MRPS6: variants seen among roughly 807,000 people sequenced by gnomAD.
The protein encoded by MRPS6 is mitochondrial ribosomal protein S6.
Under a neutral mutation model 13.1 loss-of-function variants are expected in MRPS6, and 6 were observed. The observed-to-expected ratio is 0.46, with a 90% CI of 0.25 to 0.91. The LOEUF is 0.91. Ranked by LOEUF, MRPS6 falls within the 40% of genes least tolerant of loss-of-function variation. The pLI is 0.18. For missense variants in MRPS6, 164 were observed against 155.6 expected (o/e 1.05, Z -0.29); for synonymous variants, 61 against 56.5 (o/e 1.08, Z -0.36).
At chr21:34,137,571 C>G (rs1980753801) in intron 2 of MRPS6, among the ~76,000 whole-genome samples, 1 of 152,154 alleles carries the variant, frequency 6.6e-6, no homozygotes, top group African/African-American at 2.4e-5. Context: ...GCTTATCAGT[C>G]TAGGTACCTA....
chr21:34,137,074 G>A (rs1292570667), intron 2 of MRPS6, among the ~76,000 whole-genome samples: 1 of 152,078 alleles, frequency 6.6e-6, no homozygotes, highest in Non-Finnish European at 1.5e-5. Flanking sequence ...GATGGCCATA[G>A]CTTTATAATA....
chr21:34,116,268 G>A (rs551154191), intron 1 of MRPS6, among the ~76,000 whole-genome samples: 4 of 148,602 alleles, frequency 2.7e-5, no homozygotes, highest in Non-Finnish European at 4.5e-5. Flanking sequence ...GGCTGGTCTC[G>A]AACTCCTGGG....
chr21:34,106,393 C>G (rs565333811), intron 1 of MRPS6: 4 of 166,212 alleles, frequency 2.4e-5, no homozygotes, highest in African/African-American at 7.2e-5. Context: ...GAATTTCCCC[C>G]TACTAATTTT....
At chr21:34,141,899 A>G (rs192303608) in intron 2 of MRPS6, among the ~76,000 whole-genome samples, 68 of 152,338 alleles carry the variant, frequency 4.5e-4, no homozygotes, top group Admixed American at 4.2e-3. Flanking sequence ...CGTATTGAAC[A>G]TAGTTGTAGA....
intron 1 of MRPS6, chr21:34,097,026 A>G (rs1181529417): frequency 6.8e-6 from 11 of 1,614,122 alleles, no homozygotes; most frequent in Non-Finnish European, 7.6e-6. Flanking sequence ...GGTAACCTGC[A>G]GAGAGGAGGG....
rs73899998 is a variant in MRPS6, at chr21:34,136,020, G to A, written c.186-6388G>A. ...CTGCACAGCGTCCACTTCCCAAAGA[G>A]CTTGGTGTCAGGGGTCTCTACCACT... is the stretch of plus-strand genomic sequence containing the variant. On this transcript the variant is annotated intron_variant, in intron 2 of 2. Coordinates refer to ENST00000399312, the MANE Select transcript of MRPS6 (RefSeq NM_032476.4). The A allele has an allele frequency of 4.3e-3, 1,209 of 282,044 alleles. 18 individuals are homozygous for A. The highest frequency in any genetic ancestry group is 0.026 in the African/African-American group (1,117 of 43,704). 17.5% of individuals were successfully genotyped at this position (282,044 alleles called of 1,614,324 possible). A position where few individuals can be genotyped will look rare whatever the true frequency, so the allele number is the denominator to read the frequency against.
intron 1 of MRPS6, among the ~76,000 whole-genome samples, chr21:34,079,715 C>T (rs1357982156): frequency 4.2e-5 from 6 of 142,634 alleles, no homozygotes; most frequent in African/African-American, 1.6e-4. Flanking sequence ...TCCCAAAGTG[C>T]TGGGATTACA....
At chr21:34,106,062 A>C (rs767165627) in intron 1 of MRPS6, 1 of 998,200 alleles carries the variant, frequency 1.0e-6, no homozygotes. Context: ...TCTGTAAAAT[A>C]CACTGTTCTT....
At chr21:34,126,391 C>T (rs757078007) in intron 2 of MRPS6, among the ~76,000 whole-genome samples, 2 of 152,192 alleles carry the variant, frequency 1.3e-5, no homozygotes, top group Non-Finnish European at 2.9e-5. Flanking sequence ...CGTCTCACAT[C>T]GAGGCTTTCT....
intron 1 of MRPS6, among the ~76,000 whole-genome samples, chr21:34,090,983 T>G (rs1978655086): frequency 6.6e-6 from 1 of 151,538 alleles, no homozygotes; most frequent in Non-Finnish European, 1.5e-5. Context: ...ATGCCCATGT[T>G]TTTTGTTTTT....
intron 1 of MRPS6, chr21:34,100,854 C>A (rs1207322310): frequency 1.0e-6 from 1 of 1,000,120 alleles, no homozygotes; most frequent in African/African-American, 1.7e-5. Context: ...TCTTTACCAC[C>A]AAATAAAGCG....
intron 1 of MRPS6, chr21:34,097,567 T>G: frequency 7.5e-7 from 1 of 1,334,726 alleles, no homozygotes; most frequent in Non-Finnish European, 9.6e-7. Flanking sequence ...CCTAACAGAC[T>G]GAATTGTGCA....
intron 1 of MRPS6, among the ~76,000 whole-genome samples, chr21:34,106,529 T>C (rs1602942568): frequency 6.6e-6 from 1 of 152,230 alleles, no homozygotes; most frequent in Non-Finnish European, 1.5e-5. Flanking sequence ...TTTCAAGTTA[T>C]AGGAAAGTTG....
rs551548108 is a variant in MRPS6, at chr21:34,142,888, A to G, written c.*288A>G. The G allele has an allele frequency of 3.2e-5, 8 of 246,412 alleles. No homozygotes were observed. The Admixed American group carries it at 3.9e-4, about 12-fold the overall frequency. The allele number at this position is 246,412 out of a possible 1,614,324, so 15.3% of individuals were successfully genotyped here. A position where few individuals can be genotyped will look rare whatever the true frequency, so the allele number is the denominator to read the frequency against. ...CTTTTCCCCTTACAACAGTAACACC[A>G]TTTTTTGAAGAGCAAAACTTATAAT... On this transcript the variant is annotated 3_prime_UTR_variant, in exon 3 of 3. Coordinates refer to ENST00000399312, the MANE Select transcript of MRPS6 (RefSeq NM_032476.4).
At chr21:34,133,326 C>G (rs1217926269) in intron 2 of MRPS6, among the ~76,000 whole-genome samples, 1 of 152,120 alleles carries the variant, frequency 6.6e-6, no homozygotes, top group Non-Finnish European at 1.5e-5. Flanking sequence ...TGAGTGAGTG[C>G]TGAGTATATG....
intron 1 of MRPS6, 190 bp from the exon 2 acceptor site, chr21:34,125,149 ATC>A (rs1288191585): frequency 1.2e-6 from 1 of 848,698 alleles, no homozygotes; most frequent in Non-Finnish European, 1.7e-6. Context: ...TCTGTGAGCT[ATC>A]TCATATCCTT....
chr21:34,085,635 C>G (rs1978334962), intron 1 of MRPS6, among the ~76,000 whole-genome samples: 1 of 138,068 alleles, frequency 7.2e-6, no homozygotes, highest in African/African-American at 2.7e-5. Context: ...GAGTCTCGCT[C>G]TTTCGCCCAA....
At chr21:34,098,004 C>G in intron 1 of MRPS6, 1 of 981,238 alleles carries the variant, frequency 1.0e-6, no homozygotes, top group Non-Finnish European at 1.2e-6. Flanking sequence ...TTTTTTTTTT[C>G]TTTCTACTTT....
chr21:34,110,613 C>G (rs1979657824), intron 1 of MRPS6, among the ~76,000 whole-genome samples: 1 of 152,234 alleles, frequency 6.6e-6, no homozygotes, highest in East Asian at 1.9e-4. Context: ...GTGTAGTAAA[C>G]AGTTATTTGT....
Sources: allele counts gnomAD v4.1 joint callset (sites outside exome capture counted in the v4.1 genomes callset), GRCh38; gene constraint gnomAD v4.1.1; transcripts MANE v1.5; gene names NCBI Gene and HGNC (gene_info 2026-07-23, HGNC 2026-07-21).